Variants in DSCAM observed in about 807,000 individuals in gnomAD.
DSCAM encodes cell adhesion molecule DSCAM.
A neutral mutation model predicts 217.7 loss-of-function variants in DSCAM; 47 were observed. That is an observed-to-expected ratio of 0.22 (90% CI 0.17 to 0.28). The LOEUF (loss-of-function observed/expected upper bound fraction) is 0.28. Among genes scored for constraint, DSCAM ranks in the 10% least tolerant of loss-of-function variants. DSCAM has a pLI of 1.00. For synonymous variants in DSCAM, 1,056 were observed against 1,015.3 expected, an observed-to-expected ratio of 1.04 and a Z score of -0.76; for missense variants, 2,080 against 2,618.3, an observed-to-expected ratio of 0.79 and a Z score of 4.49.
At chr21:40,019,425 G>A (rs1239659301) in intron 32 of DSCAM, among the ~76,000 whole-genome samples, 1 of 152,216 alleles carries the variant, frequency 6.6e-6, no homozygotes, top group Non-Finnish European at 1.5e-5. Flanking sequence ...TCCATAAAAT[G>A]GGAGTAATAG....
chr21:40,573,286 T>C (rs2076823015), intron 3 of DSCAM, among the ~76,000 whole-genome samples: 1 of 151,910 alleles, frequency 6.6e-6, no homozygotes, highest in Non-Finnish European at 1.5e-5. Flanking sequence ...TGCAGTGAGC[T>C]GAGATGGCGC....
chr21:40,050,576 A>T (rs2088914392), intron 30 of DSCAM, among the ~76,000 whole-genome samples: 1 of 151,542 alleles, frequency 6.6e-6, no homozygotes, highest in African/African-American at 2.4e-5. Context: ...TCTGCCTCCC[A>T]GGTTCACGCC....
At chr21:40,750,931 C>T (rs140070578) in intron 1 of DSCAM, among the ~76,000 whole-genome samples, 6 of 152,316 alleles carry the variant, frequency 3.9e-5, no homozygotes, top group African/African-American at 4.8e-5. Flanking sequence ...CTGGAGCCCT[C>T]GCTCCAGTCC....
chr21:40,306,377 G>A (rs1179514958), intron 9 of DSCAM, among the ~76,000 whole-genome samples: 2 of 151,300 alleles, frequency 1.3e-5, no homozygotes, highest in Non-Finnish European at 2.9e-5. Context: ...ATACAATCAT[G>A]TCATCTGCAA....
chr21:40,498,872 G>A (rs558440475), intron 3 of DSCAM, among the ~76,000 whole-genome samples: 3 of 144,924 alleles, frequency 2.1e-5, no homozygotes, highest in Non-Finnish European at 3.0e-5. Context: ...TTATAAGAGA[G>A]TAATAAAACA....
Position 40,312,329 on chromosome 21 carries a change from G to A in DSCAM, c.1814C>T (p.Pro605Leu), listed in dbSNP as rs780342375. ...GACCCGCTGCCCAATGGAGAATCTT[G>A]GAAACTCAAAGGGTTGTATGAAAGG... ...VPPFIQPFEFPRFSIGQRVFI... is the reference protein window; with the variant it reads ...VPPFIQPFEFLRFSIGQRVFI... The change falls in exon 9 of 33, where the codon CCA becomes CTA. Residue 605 changes from proline (P) to leucine (L), a missense_variant. Physicochemically the swap from Pro to Leu is moderately conservative, Grantham distance 98. This residue lies in a region of DSCAM where 218 missense variants were observed against 364.1 expected (regional missense o/e 0.60). Transcript: ENST00000400454. 27 of 1,613,962 alleles carry A rather than the reference G, an allele frequency of 1.7e-5. No homozygotes were observed. The highest frequency in any genetic ancestry group is 2.3e-5 in the Non-Finnish European group (27 of 1,179,988).
intron 1 of DSCAM, among the ~76,000 whole-genome samples, chr21:40,726,590 G>A (rs1445709717): frequency 2.0e-5 from 3 of 152,068 alleles, no homozygotes; most frequent in Admixed American, 2.0e-4. Context: ...CTGTAAGTGA[G>A]TGTGTTTCCA....
intron 3 of DSCAM, among the ~76,000 whole-genome samples, chr21:40,437,535 C>T (rs2075593911): frequency 6.6e-6 from 1 of 152,104 alleles, no homozygotes; most frequent in African/African-American, 2.4e-5. Context: ...GGTTAAATAA[C>T]TTACTCAAGT....
At chr21:40,807,769 G>A (rs1601291326) in intron 1 of DSCAM, among the ~76,000 whole-genome samples, 1 of 152,244 alleles carries the variant, frequency 6.6e-6, no homozygotes, top group East Asian at 1.9e-4. Context: ...AAAGGGAAGA[G>A]GGTTGGGAAG....
At chr21:40,449,718 A>G (rs2075703770) in intron 3 of DSCAM, among the ~76,000 whole-genome samples, 2 of 152,210 alleles carry the variant, frequency 1.3e-5, no homozygotes, top group Admixed American at 1.3e-4. Flanking sequence ...GAGCCAAGGT[A>G]ATCAGAAGAG....
chr21:40,435,727 A>T (rs755309761), intron 3 of DSCAM, among the ~76,000 whole-genome samples: 5 of 152,206 alleles, frequency 3.3e-5, no homozygotes, highest in Non-Finnish European at 7.4e-5. Flanking sequence ...TTCTCTATTC[A>T]GTTTCACTGA....
intron 3 of DSCAM, among the ~76,000 whole-genome samples, chr21:40,526,082 C>T (rs941071840): frequency 1.8e-4 from 27 of 152,152 alleles, no homozygotes; most frequent in Non-Finnish European, 1.0e-4. Flanking sequence ...AGGATACTTT[C>T]TGGGCCTGCC....
chr21:40,266,838 C>T (rs2073544076), intron 11 of DSCAM, among the ~76,000 whole-genome samples: 1 of 142,938 alleles, frequency 7.0e-6, no homozygotes, highest in Non-Finnish European at 1.5e-5. Context: ...TGAAGTACTA[C>T]TAAGCCATAA....
intron 11 of DSCAM, among the ~76,000 whole-genome samples, chr21:40,266,542 C>G (rs562220463): frequency 6.7e-6 from 1 of 149,044 alleles, no homozygotes; most frequent in African/African-American, 2.5e-5. Flanking sequence ...CAAAAGACAC[C>G]TGCATGTCTA....
chr21:40,300,660 T>G (rs2074005195), intron 9 of DSCAM, among the ~76,000 whole-genome samples: 1 of 152,168 alleles, frequency 6.6e-6, no homozygotes, highest in Non-Finnish European at 1.5e-5. Context: ...GGGTATAAAT[T>G]CTCTGCCTCT....
chr21:40,218,685 T>G (rs2410223), intron 11 of DSCAM, among the ~76,000 whole-genome samples: 3,397 of 152,252 alleles, frequency 0.022, 147 homozygotes, highest in African/African-American at 0.078. Context: ...GTTCTGTAAT[T>G]CTTGTTGTAG....
chr21:40,709,042 C>A (rs1438499804), intron 1 of DSCAM, among the ~76,000 whole-genome samples: 1 of 152,152 alleles, frequency 6.6e-6, no homozygotes, highest in African/African-American at 2.4e-5. Context: ...CCTCATGCCC[C>A]AAACCCTGTT....
At chr21:40,476,732 G>A (rs1176682966) in intron 3 of DSCAM, among the ~76,000 whole-genome samples, 3 of 152,090 alleles carry the variant, frequency 2.0e-5, no homozygotes, top group Non-Finnish European at 4.4e-5. Context: ...GGAAAGCTTT[G>A]ATGGGAAGGG....
At chr21:40,232,481 G>A (rs973426519) in intron 11 of DSCAM, among the ~76,000 whole-genome samples, 2 of 152,120 alleles carry the variant, frequency 1.3e-5, no homozygotes, top group African/African-American at 4.8e-5. Flanking sequence ...GTCTCTACAA[G>A]GGACTTCTCT....
Sources: allele counts gnomAD v4.1 joint callset (sites outside exome capture counted in the v4.1 genomes callset), GRCh38; gene constraint gnomAD v4.1.1; regional missense constraint gnomAD v4.1.1; transcripts MANE v1.5; gene names NCBI Gene and HGNC (gene_info 2026-07-23, HGNC 2026-07-21).